Variants in CPNE6 observed in about 807,000 individuals in gnomAD.
CPNE6 encodes the protein copine 6.
A neutral mutation model predicts 71.5 loss-of-function variants in CPNE6; 33 were observed. The ratio of observed to expected loss-of-function variants is 0.46; its 90% CI spans 0.35 to 0.62. The LOEUF (loss-of-function observed/expected upper bound fraction) is 0.62, where lower values mean the gene tolerates loss of function less well. Among genes scored for constraint, CPNE6 ranks in the 20% least tolerant of loss-of-function variants. The pLI, the probability that CPNE6 is intolerant of heterozygous loss-of-function variation, is 0.00. For missense variants in CPNE6, 576 were observed against 747.3 expected (o/e 0.77, Z 2.67); for synonymous variants, 296 against 293.0 (o/e 1.01, Z -0.10).
Position 24,075,895 on chromosome 14 carries a change from T to C in CPNE6, c.924+9T>C, listed in dbSNP as rs1266014600. The C allele has an allele frequency of 1.2e-6, 2 of 1,613,942 alleles. No individual in the cohort carries two copies. The highest frequency in any genetic ancestry group is 1.7e-6 in the Non-Finnish European group (2 of 1,179,930). ...GCCAGATCAGCTTCACGGTAAAGAC[T>C]CAGAGGGAGGGCACACAGGCAAGAG... On this transcript the variant is annotated intron_variant, in intron 11 of 17. Transcript: ENST00000397016. This position sits in a 1 kb window ranked among gnomAD's most constrained non-coding sequence, Gnocchi z 4.3.
chr14:24,071,805 T>C, intron 2 of CPNE6, 164 bp downstream of exon 1: 1 of 547,720 alleles, frequency 1.8e-6, no homozygotes, highest in African/African-American at 1.9e-5. Context: ...CTGGGAGACT[T>C]GTGGCTGGAA....
chr14:24,070,955 A>C, exon 1 of CPNE6: 4 of 1,532,970 alleles, frequency 2.6e-6, no homozygotes, highest in Non-Finnish European at 2.6e-6. Context: ...CATCATTCTC[A>C]AAGCTATGAC....
chr14:24,075,083 C>T lies in CPNE6; in HGVS notation c.673-89C>T. The T allele has an allele frequency of 1.0e-6, 1 of 954,578 alleles. No homozygotes were observed. The highest frequency in any genetic ancestry group is 1.4e-5 in the South Asian group (1 of 74,024). The allele number at this position is 954,578 out of a possible 1,614,324, so 59.1% of individuals were successfully genotyped here. ...CATGGAGACTCTAAGGCCCAAGTCCCCCTACTCCAAGTCCCCGAGTCCCCC... is the reference window on the plus strand; with the variant it reads ...CATGGAGACTCTAAGGCCCAAGTCCTCCTACTCCAAGTCCCCGAGTCCCCC... On this transcript the variant is annotated intron_variant, in intron 8 of 17. Coordinates refer to ENST00000397016, the Ensembl canonical transcript of CPNE6. The surrounding 1 kb of genome is among the most constrained non-coding windows in gnomAD (Gnocchi z 4.3).
At chr14:24,072,308 C>T (rs2035926595) in intron 2 of CPNE6, 1 of 152,306 alleles carries the variant, frequency 6.6e-6, no homozygotes, top group East Asian at 1.9e-4. Flanking sequence ...AGAGCTCCTG[C>T]CAGGAGCCTG....
At chr14:24,071,858 T>C (rs1402241013) in intron 2 of CPNE6, 1 of 509,008 alleles carries the variant, frequency 2.0e-6, no homozygotes. Flanking sequence ...CCCTCACATA[T>C]CCAGAAAGGC....
Position 24,075,625 on chromosome 14 carries a change from A to AGCCCCT in CPNE6, c.864+41_864+46dup. 3 of 1,548,174 alleles carry AGCCCCT rather than the reference A, an allele frequency of 1.9e-6. No individual in the cohort carries two copies. Among genetic ancestry groups the AGCCCCT allele is most frequent in the Non-Finnish European group, 2.7e-6 (3 of 1,129,618 alleles). On this transcript the variant is annotated intron_variant, in intron 10 of 17. Transcript: ENST00000397016. The surrounding 1 kb of genome is among the most constrained non-coding windows in gnomAD (Gnocchi z 4.3). ...CACTTCCTGCTTCAAGCCTTGCCCC[A>AGCCCCT]GCCCCTGCCCCTACCACACTCTCAG...
intron 2 of CPNE6, chr14:24,072,630 AAT>A: frequency 3.8e-6 from 1 of 265,344 alleles, no homozygotes; most frequent in South Asian, 1.7e-4. Flanking sequence ...AGTGTAGATC[AAT>A]CGATGGCCTA....
At position 24,077,638 on chromosome 14, in the gene CPNE6, C is replaced by A. The variant is rs150792296; in HGVS notation, c.1582C>A (p.Arg528=). The A allele has an allele frequency of 2.7e-4, 433 of 1,597,314 alleles. No individual in the cohort carries two copies. Among genetic ancestry groups the A allele is most frequent in the Admixed American group, 4.3e-4 (25 of 58,442 alleles). The change falls in exon 17 of 18, where the codon CGG becomes AGG. Residue 528 remains arginine, a synonymous_variant. Coordinates refer to ENST00000397016, the Ensembl canonical transcript of CPNE6. This position sits in a 1 kb window ranked among gnomAD's most constrained non-coding sequence, Gnocchi z 6.1. ...CAAGTGTGTCCTGGCTGAGGTGCCA[C>A]GGCAGGTGGTGGAGTACTACGCCAG...
Position 24,075,413 on chromosome 14 carries a change from A to G in CPNE6, c.778-92A>G, listed in dbSNP as rs2036028758. 7.0e-7 allele frequency: 1 copy of G among 1,423,950 alleles called. No individual in the cohort carries two copies. 88.2% of individuals were successfully genotyped at this position (1,423,950 alleles called of 1,614,324 possible). On this transcript the variant is annotated intron_variant, in intron 9 of 17. Coordinates refer to ENST00000397016, the Ensembl canonical transcript of CPNE6. The surrounding 1 kb of genome is among the most constrained non-coding windows in gnomAD (Gnocchi z 4.3). ...CTGGGCTCAGCTGAAGGACGGAACCATGGGGGTCTTGCTCTGGGAGGCTCT... is the reference window on the plus strand; with the variant it reads ...CTGGGCTCAGCTGAAGGACGGAACCGTGGGGGTCTTGCTCTGGGAGGCTCT...
At position 24,075,200 on chromosome 14, in the gene CPNE6, G is replaced by C. The variant is rs766950533; in HGVS notation, c.701G>C (p.Gly234Ala). ...CTGGTGTATGACTATGACTCCAGTG[G>C]GAAGCATGACTTCATCGGCGAGTTC... Residue 234 changes from glycine to alanine, a missense_variant, in exon 9 of 18, where the codon GGG becomes GCG. This residue lies in a region of CPNE6 where 214 missense variants were observed against 291.2 expected (regional missense o/e 0.73). Transcript: ENST00000397016. The surrounding 1 kb of genome is among the most constrained non-coding windows in gnomAD (Gnocchi z 4.3). The C allele has an allele frequency of 1.2e-6, 2 of 1,613,938 alleles. No homozygotes were observed. Among genetic ancestry groups the C allele is most frequent in the Non-Finnish European group, 1.7e-6 (2 of 1,180,002 alleles).
chr14:24,076,007 C>A, intron 11 of CPNE6, 121 bp downstream of exon 10: 2 of 1,492,184 alleles, frequency 1.3e-6, no homozygotes, highest in Non-Finnish European at 1.9e-6. Context: ...GCATTGTCAG[C>A]TTATGCACCC....
At chr14:24,076,730 C>G (rs2036080453) in intron 14 of CPNE6, 149 bp from the exon 14 acceptor site, 1 of 1,449,426 alleles carries the variant, frequency 6.9e-7, no homozygotes, top group Non-Finnish European at 9.6e-7. Flanking sequence ...ACTCTCCCTG[C>G]CAAGGGACCA....
At position 24,073,368 on chromosome 14, in the gene CPNE6, T is replaced by C. The variant is rs2035961760; in HGVS notation, c.169-131T>C. 9.1e-7 allele frequency: 1 copy of C among 1,095,318 alleles called. No homozygotes were observed. Among genetic ancestry groups the C allele is most frequent in the African/African-American group, 1.6e-5 (1 of 63,270 alleles). The allele number at this position is 1,095,318 out of a possible 1,614,324, so 67.8% of individuals were successfully genotyped here. A position where few individuals can be genotyped will look rare whatever the true frequency, so the allele number is the denominator to read the frequency against. On this transcript the variant is annotated intron_variant, in intron 3 of 17. Coordinates refer to ENST00000397016, the Ensembl canonical transcript of CPNE6. The surrounding 1 kb of genome is among the most constrained non-coding windows in gnomAD (Gnocchi z 5.5). ...AGCACCCCAAGCTCAGGGATCAGCT[T>C]AGGAAGAGAAGAGCTGGTTGCTGGG... is the stretch of plus-strand genomic sequence containing the variant.
rs1777607174 is a variant in CPNE6, at chr14:24,073,513, G to A, written c.183G>A (p.Glu61=). 3 of 1,613,570 alleles carry A rather than the reference G, an allele frequency of 1.9e-6. No individual in the cohort carries two copies. The highest frequency in any genetic ancestry group is 2.5e-6 in the Non-Finnish European group (3 of 1,179,956). Residue 61 remains glutamate (E), a synonymous_variant, in exon 4 of 18, where the codon GAG becomes GAA. Coordinates refer to ENST00000397016, the Ensembl canonical transcript of CPNE6. The surrounding 1 kb of genome is among the most constrained non-coding windows in gnomAD (Gnocchi z 5.5). Reference sequence around the variant, plus strand: ...CACTACCACAGGTAGAGCGCACAGAGGTGCTTCGCTCCTGTTCCAGCCCTG... The same window carrying A: ...CACTACCACAGGTAGAGCGCACAGAAGTGCTTCGCTCCTGTTCCAGCCCTG...
In CPNE6 at chr14:24,073,101, G is replaced by A. The variant is rs374870470; in HGVS notation, c.165G>A (p.Val55=). Residue 55 remains valine (V), a synonymous_variant, in exon 3 of 18, where the codon GTG becomes GTA. Coordinates refer to ENST00000397016, the Ensembl canonical transcript of CPNE6. This position sits in a 1 kb window ranked among gnomAD's most constrained non-coding sequence, Gnocchi z 5.5. ...AGCTCTACTCTGATGAGCAGTGGGT[G>A]GAGGTGAGAGCAGCTCAGGTTTCTC... is the stretch of plus-strand genomic sequence containing the variant. 3.4e-6 allele frequency: 5 copies of A among 1,456,900 alleles called. No individual in the cohort carries two copies. Among genetic ancestry groups the A allele is most frequent in the South Asian group, 1.5e-5 (1 of 67,278 alleles). 90.2% of individuals were successfully genotyped at this position (1,456,900 alleles called of 1,614,324 possible). A position where few individuals can be genotyped will look rare whatever the true frequency, so the allele number is the denominator to read the frequency against.
chr14:24,077,850 T>C lies in CPNE6; in HGVS notation c.*38-38T>C. The C allele has an allele frequency of 8.7e-7, 1 of 1,146,502 alleles. No homozygotes were observed. Among genetic ancestry groups the C allele is most frequent in the East Asian group, 2.7e-5 (1 of 36,818 alleles). The allele number at this position is 1,146,502 out of a possible 1,614,324, so 71.0% of individuals were successfully genotyped here. On this transcript the variant is annotated intron_variant, in intron 17 of 17. Transcript: ENST00000397016. The surrounding 1 kb of genome is among the most constrained non-coding windows in gnomAD (Gnocchi z 6.1). ...GAGCCCAACTAGGCTGGGTGTAGTGTAGAAGAGAGTGCTTATGACTCTCCC... is the reference window on the plus strand; with the variant it reads ...GAGCCCAACTAGGCTGGGTGTAGTGCAGAAGAGAGTGCTTATGACTCTCCC...
chr14:24,073,363 C>A lies in CPNE6; in HGVS notation c.169-136C>A. The A allele has an allele frequency of 9.6e-7, 1 of 1,045,276 alleles. No homozygotes were observed. The highest frequency in any genetic ancestry group is 1.4e-6 in the Non-Finnish European group (1 of 724,456). The allele number at this position is 1,045,276 out of a possible 1,614,324, so 64.8% of individuals were successfully genotyped here. A position where few individuals can be genotyped will look rare whatever the true frequency, so the allele number is the denominator to read the frequency against. On this transcript the variant is annotated intron_variant, in intron 3 of 17. Coordinates refer to ENST00000397016, the Ensembl canonical transcript of CPNE6. This position sits in a 1 kb window ranked among gnomAD's most constrained non-coding sequence, Gnocchi z 5.5. ...CAGGCAGCACCCCAAGCTCAGGGATCAGCTTAGGAAGAGAAGAGCTGGTTG... is the reference window on the plus strand; with the variant it reads ...CAGGCAGCACCCCAAGCTCAGGGATAAGCTTAGGAAGAGAAGAGCTGGTTG...
Position 24,075,069 on chromosome 14 carries a change from T to G in CPNE6, c.673-103T>G. The G allele has an allele frequency of 1.1e-6, 1 of 878,504 alleles. No individual in the cohort carries two copies. Among genetic ancestry groups the G allele is most frequent in the Non-Finnish European group, 1.9e-6 (1 of 520,578 alleles). 54.4% of individuals were successfully genotyped at this position (878,504 alleles called of 1,614,324 possible). ...GATGTCTGTTTGGGCATGGAGACTC[T>G]AAGGCCCAAGTCCCCCTACTCCAAG... On this transcript the variant is annotated intron_variant, in intron 8 of 17. Transcript: ENST00000397016. This position sits in a 1 kb window ranked among gnomAD's most constrained non-coding sequence, Gnocchi z 4.3.
In CPNE6 at chr14:24,073,712, C is replaced by G. The variant is rs369239814; in HGVS notation, c.348+34C>G. 1.3e-6 allele frequency: 2 copies of G among 1,589,464 alleles called. No individual in the cohort carries two copies. Among genetic ancestry groups the G allele is most frequent in the Non-Finnish European group, 1.7e-6 (2 of 1,167,316 alleles). On this transcript the variant is annotated intron_variant, in intron 4 of 17. Coordinates refer to ENST00000397016, the Ensembl canonical transcript of CPNE6. This position sits in a 1 kb window ranked among gnomAD's most constrained non-coding sequence, Gnocchi z 5.5. ...TCCCGGCCTCCCCGGCTACCCTACC[C>G]TACCTCCATCAGCTTTGCCTCTGGA... is the stretch of plus-strand genomic sequence containing the variant.
Sources: gnomAD v4.1 joint callset for allele counts on GRCh38, gnomAD v4.1.1 for gene constraint, gnomAD v4.1.1 regional missense constraint, Gnocchi (gnomAD v3.1) non-coding constraint, MANE v1.5 for transcripts, NCBI Gene and HGNC (gene_info 2026-07-23, HGNC 2026-07-21) for gene names.